Variants in CAB39L observed in about 807,000 individuals in gnomAD.
CAB39L encodes calcium binding protein 39 like.
A neutral mutation model predicts 39.1 loss-of-function variants in CAB39L; 23 were observed. The ratio of observed to expected loss-of-function variants is 0.59; its 90% CI spans 0.42 to 0.83. The LOEUF is 0.83. Among genes scored for constraint, CAB39L ranks in the 40% least tolerant of loss-of-function variants. CAB39L has a pLI of 0.00. For synonymous variants in CAB39L, 126 were observed against 137.2 expected (o/e 0.92, Z 0.57); for missense variants, 366 against 391.9 (o/e 0.93, Z 0.56).
At chr13:49,363,156 A>T (rs1426467044) in intron 5 of CAB39L, among the ~76,000 whole-genome samples, 1 of 152,240 alleles carries the variant, frequency 6.6e-6, no homozygotes, top group African/African-American at 2.4e-5. Context: ...ATCTTAAGGT[A>T]TAAAATCCAC....
In CAB39L at chr13:49,389,893, G is replaced by A. The variant is rs150973544; in HGVS notation, c.-31-6952C>T. Among the ~76,000 whole-genome samples, 16 of 152,124 alleles carry A rather than the reference G, an allele frequency of 1.1e-4. No individual in the cohort carries two copies. The East Asian group carries it at 2.3e-3, about 22-fold the overall frequency. ...GTTGGAGTGCAGTTGTGTAATAACC[G>A]CTTGCTGCAGTCTTGACCTGTTGGG... is the stretch of plus-strand genomic sequence containing the variant. On this transcript the variant is annotated intron_variant, in intron 3 of 10. Transcript: ENST00000409308.
At chr13:49,356,413 C>T (rs917069677) in intron 6 of CAB39L, among the ~76,000 whole-genome samples, 1 of 152,158 alleles carries the variant, frequency 6.6e-6, no homozygotes, top group African/African-American at 2.4e-5. Context: ...TCTCAGTACC[C>T]TGGAATGTCA....
At chr13:49,346,959 A>G (rs1955196080) in intron 7 of CAB39L, among the ~76,000 whole-genome samples, 1 of 152,202 alleles carries the variant, frequency 6.6e-6, no homozygotes. Context: ...CAATGTTACA[A>G]TATTAATAAC....
At chr13:49,382,667 A>G in intron 4 of CAB39L, 133 bp downstream of exon 4, 1 of 620,602 alleles carries the variant, frequency 1.6e-6, no homozygotes. Flanking sequence ...CCTGAAATCA[A>G]CTTAAATCTA....
At chr13:49,363,964 G>A (rs909298145) in intron 5 of CAB39L, among the ~76,000 whole-genome samples, 5 of 151,572 alleles carry the variant, frequency 3.3e-5, no homozygotes, top group Admixed American at 6.6e-5. Context: ...ATAAAGACAT[G>A]GAAAAAGATA....
intron 5 of CAB39L, among the ~76,000 whole-genome samples, chr13:49,374,830 T>C (rs1956013217): frequency 6.6e-6 from 1 of 152,210 alleles, no homozygotes; most frequent in Non-Finnish European, 1.5e-5. Flanking sequence ...ATATTCCTTC[T>C]AGCACTCCAC....
chr13:49,436,657 A>C (rs1957423312), intron 1 of CAB39L, among the ~76,000 whole-genome samples: 1 of 146,024 alleles, frequency 6.8e-6, no homozygotes, highest in Admixed American at 7.0e-5. Flanking sequence ...CTGGAACTAC[A>C]GGCATGCACC....
intron 3 of CAB39L, chr13:49,393,049 G>C (rs766914738): frequency 6.6e-6 from 1 of 151,882 alleles, no homozygotes; most frequent in South Asian, 2.1e-4. Flanking sequence ...TCACAATCAC[G>C]CTATCATTAC....
At chr13:49,396,964 G>T (rs1956650401) in intron 3 of CAB39L, among the ~76,000 whole-genome samples, 1 of 152,056 alleles carries the variant, frequency 6.6e-6, no homozygotes, top group South Asian at 2.1e-4. Flanking sequence ...GCACCTTAAA[G>T]TTCTACTGTA....
In CAB39L at chr13:49,431,996, T is replaced by C. The variant is rs374299314; in HGVS notation, c.-32+1322A>G. The stretch of plus-strand genomic sequence containing the variant: ...ATACATTACAGACAATACAGATAAA[T>C]CTCAGAATAACTAAGCTGAGTAAAA... On this transcript the variant is annotated intron_variant, in intron 3 of 10. Coordinates refer to ENST00000409308, the MANE Select transcript of CAB39L (RefSeq NM_001079670.3). 4.6e-4 allele frequency among the ~76,000 whole-genome samples: 70 copies of C among 152,202 alleles called. 1 individual carries two copies. In the South Asian group the frequency reaches 6.4e-3, roughly 14 times the overall value.
intron 3 of CAB39L, among the ~76,000 whole-genome samples, chr13:49,391,611 T>C (rs1224567695): frequency 6.6e-6 from 1 of 151,700 alleles, no homozygotes; most frequent in East Asian, 1.9e-4. Flanking sequence ...TTTATATGGG[T>C]TTGTCATGCC....
At chr13:49,369,281 T>A (rs1175962151) in intron 5 of CAB39L, among the ~76,000 whole-genome samples, 1 of 152,226 alleles carries the variant, frequency 6.6e-6, no homozygotes, top group Non-Finnish European at 1.5e-5. Flanking sequence ...GCAGCTTTAT[T>A]TGTAATTGCT....
At chr13:49,431,200 T>C (rs1957316814) in intron 3 of CAB39L, among the ~76,000 whole-genome samples, 1 of 152,220 alleles carries the variant, frequency 6.6e-6, no homozygotes, top group South Asian at 2.1e-4. Context: ...TATGCTTCCA[T>C]TGCAATACAG....
chr13:49,427,054 G>GTCAC (rs1233485539), intron 3 of CAB39L, among the ~76,000 whole-genome samples: 9 of 152,224 alleles, frequency 5.9e-5, no homozygotes, highest in African/African-American at 1.9e-4. Flanking sequence ...ACTTGCTCCT[G>GTCAC]TCACTCTTTA....
rs567899964 is a variant in CAB39L at position 49,338,028 on chromosome 13, C to T, written c.690+1649G>A. On this transcript the variant is annotated intron_variant, in intron 9 of 10. Coordinates refer to ENST00000409308, the MANE Select transcript of CAB39L (RefSeq NM_001079670.3). ...TTCTCCAATAATTCATCAAACTATG[C>T]TATTTACGGGTAATTGAGAATTGGC... Among the ~76,000 whole-genome samples the T allele has an allele frequency of 2.0e-5, 3 of 152,262 alleles. 1 individual carries two copies. In the South Asian group the frequency reaches 6.2e-4, roughly 32 times the overall value.
chr13:49,372,964 C>T (rs552390588), intron 5 of CAB39L, among the ~76,000 whole-genome samples: 3 of 152,204 alleles, frequency 2.0e-5, no homozygotes, highest in Admixed American at 1.3e-4. Context: ...TGAGCCACTG[C>T]GCCGGCCTCA....
chr13:49,383,769 C>T (rs1419059229), intron 3 of CAB39L, among the ~76,000 whole-genome samples: 1 of 152,188 alleles, frequency 6.6e-6, no homozygotes, highest in Non-Finnish European at 1.5e-5. Context: ...ACATATGTAA[C>T]TAACTTGCAC....
intron 1 of CAB39L, among the ~76,000 whole-genome samples, chr13:49,437,304 A>G (rs1957433549): frequency 1.3e-5 from 2 of 152,146 alleles, no homozygotes; most frequent in Non-Finnish European, 2.9e-5. Flanking sequence ...TTTGGGTGGG[A>G]GAAATGAGTA....
In CAB39L at chr13:49,382,831, A is replaced by G; in HGVS notation, c.80T>C (p.Ile27Thr). ...TGTCTTTTTGTCTTGCTTTTCCAAA[A>G]TGGCCAAATTGTCTTTCAGGATTTT... Reference protein sequence around the residue: ...IVKILKDNLAILEKQDKKTDK... With the variant: ...IVKILKDNLATLEKQDKKTDK... The change falls in exon 4 of 11, where the codon ATT becomes ACT. Residue 27 changes from isoleucine (I) to threonine (T), a missense_variant. Ile to Thr is a moderately conservative substitution (Grantham distance 89). Transcript: ENST00000409308. 6.2e-7 allele frequency: 1 copy of G among 1,611,438 alleles called. No homozygotes were observed. The highest frequency in any genetic ancestry group is 1.7e-5 in the Admixed American group (1 of 59,654).
Sources: allele counts gnomAD v4.1 joint callset (sites outside exome capture counted in the v4.1 genomes callset), GRCh38; gene constraint gnomAD v4.1.1; transcripts MANE v1.5; gene names NCBI Gene and HGNC (gene_info 2026-07-23, HGNC 2026-07-21).